GLMN: variants seen among roughly 807,000 people sequenced by gnomAD.
GLMN encodes glomulin.
Under a neutral mutation model 87.8 loss-of-function variants are expected in GLMN, and 75 were observed. The ratio of observed to expected loss-of-function variants is 0.85; its 90% CI spans 0.71 to 1.04. The LOEUF is 1.04. GLMN is among the 50% of genes least tolerant of loss of function. The pLI, the probability that GLMN is intolerant of heterozygous loss-of-function variation, is 0.00. For synonymous variants in GLMN, 206 were observed against 221.6 expected, an observed-to-expected ratio of 0.93 and a Z score of 0.63; for missense variants, 588 against 658.8, an observed-to-expected ratio of 0.89 and a Z score of 1.18.
chr1:92,353,052 T>C, the GLMN span, among the ~76,000 whole-genome samples: 1 of 152,242 alleles, frequency 6.6e-6, no homozygotes, highest in Non-Finnish European at 1.5e-5. Context: ...CCAAATAATA[T>C]TCCATTGTAT....
chr1:92,324,021 T>TA, the GLMN span: 1 of 1,613,938 alleles, frequency 6.2e-7, no homozygotes, highest in Non-Finnish European at 8.5e-7. Context: ...GAAACTTACT[T>TA]AAAGTTTTGA....
intron 6 of GLMN, 22 bp downstream of exon 6, chr1:92,288,892 A>G: frequency 8.9e-7 from 1 of 1,121,896 alleles, no homozygotes; most frequent in Non-Finnish European, 1.4e-6. Flanking sequence ...CCACTGTGAG[A>G]TGTTCTTAAA....
chr1:92,263,409 A>G (rs543298738), intron 15 of GLMN, among the ~76,000 whole-genome samples: 1 of 152,366 alleles, frequency 6.6e-6, no homozygotes, highest in South Asian at 2.1e-4. Flanking sequence ...ATCAAATCAT[A>G]GTGCTGGTCA....
the GLMN span, among the ~76,000 whole-genome samples, chr1:92,320,375 C>T: frequency 1.3e-5 from 2 of 152,074 alleles, no homozygotes; most frequent in African/African-American, 4.8e-5. Flanking sequence ...CTGGTTCAAG[C>T]GATTCTCCTG....
At chr1:92,262,138 T>C (rs1416556476) in intron 16 of GLMN, among the ~76,000 whole-genome samples, 1 of 152,118 alleles carries the variant, frequency 6.6e-6, no homozygotes, top group Non-Finnish European at 1.5e-5. Flanking sequence ...AATCACGATT[T>C]ACCTAATTTA....
chr1:92,367,543 T>C, the GLMN span, among the ~76,000 whole-genome samples: 1 of 152,204 alleles, frequency 6.6e-6, no homozygotes, highest in Non-Finnish European at 1.5e-5. Context: ...TTAAAAAAAT[T>C]TTCTTTTCAG....
At chr1:92,331,647 G>T in the GLMN span, among the ~76,000 whole-genome samples, 1 of 151,830 alleles carries the variant, frequency 6.6e-6, no homozygotes, top group African/African-American at 2.4e-5. Context: ...TTCTGTTATT[G>T]GATATTTTTA....
Position 92,297,944 on chromosome 1 carries a change from C to A in GLMN, c.39+17G>T. The A allele has an allele frequency of 8.2e-7, 1 of 1,218,832 alleles. No homozygotes were observed. Among genetic ancestry groups the A allele is most frequent in the Non-Finnish European group, 1.2e-6 (1 of 820,828 alleles). The allele number at this position is 1,218,832 out of a possible 1,614,324, so 75.5% of individuals were successfully genotyped here. A position where few individuals can be genotyped will look rare whatever the true frequency, so the allele number is the denominator to read the frequency against. On this transcript the variant is annotated intron_variant, in intron 2 of 18. Coordinates refer to ENST00000370360, the MANE Select transcript of GLMN (RefSeq NM_053274.3). ...ATATTTTGAAAGGTATTTAATTTTA[C>A]AAAAATTAATACTTACACATCTCTT...
chr1:92,283,052 A>G (rs1024892721), intron 7 of GLMN, among the ~76,000 whole-genome samples: 1 of 152,198 alleles, frequency 6.6e-6, no homozygotes, highest in Non-Finnish European at 1.5e-5. Context: ...AGAGGTACAA[A>G]GAGGAGATGG....
intron 6 of GLMN, 123 bp from the exon 7 acceptor site, chr1:92,286,715 C>A: frequency 1.5e-6 from 1 of 684,914 alleles, no homozygotes; most frequent in Non-Finnish European, 2.7e-6. Flanking sequence ...TTGAATGACT[C>A]TGCTCTCCAA....
intron 7 of GLMN, among the ~76,000 whole-genome samples, chr1:92,284,876 C>G (rs1428900801): frequency 1.3e-5 from 2 of 152,186 alleles, no homozygotes; most frequent in East Asian, 3.8e-4. Flanking sequence ...TGCTCATCAT[C>G]ACTGGTCATC....
At chr1:92,264,085 G>A (rs1655337482) in intron 14 of GLMN, among the ~76,000 whole-genome samples, 1 of 152,208 alleles carries the variant, frequency 6.6e-6, no homozygotes, top group Non-Finnish European at 1.5e-5. Context: ...GGAGGCCAAG[G>A]TGGGTGGATC....
chr1:92,271,056 G>A (rs909519824), intron 8 of GLMN, among the ~76,000 whole-genome samples: 3 of 152,166 alleles, frequency 2.0e-5, no homozygotes, highest in African/African-American at 7.2e-5. Context: ...CTTCTTTTAA[G>A]GCTTCGCTTT....
upstream of GLMN, chr1:92,303,944 C>G (rs748516957): frequency 7.0e-7 from 1 of 1,438,038 alleles, no homozygotes; most frequent in Non-Finnish European, 9.7e-7. Context: ...TTCTATTAAA[C>G]TAGGAGGAAA....
chr1:92,281,650 C>G (rs1219301538), intron 7 of GLMN, among the ~76,000 whole-genome samples: 1 of 152,048 alleles, frequency 6.6e-6, no homozygotes, highest in Admixed American at 6.6e-5. Flanking sequence ...GGGCTAAATG[C>G]TCCAATTAAA....
the GLMN span, among the ~76,000 whole-genome samples, chr1:92,323,042 CTT>C: frequency 1.1e-4 from 15 of 142,520 alleles, 1 homozygote; most frequent in Non-Finnish European, 1.8e-4. Flanking sequence ...ATTTATATAT[CTT>C]TATATTTATA....
At chr1:92,344,571 C>A in the GLMN span, among the ~76,000 whole-genome samples, 1 of 152,042 alleles carries the variant, frequency 6.6e-6, no homozygotes, top group Non-Finnish European at 1.5e-5. Context: ...ATTTTTTTAA[C>A]ACACATTTTT....
the GLMN span, among the ~76,000 whole-genome samples, chr1:92,316,501 T>C: frequency 6.6e-6 from 1 of 152,230 alleles, no homozygotes; most frequent in African/African-American, 2.4e-5. Flanking sequence ...TTCTTTGGCA[T>C]AAGTTATTTC....
the GLMN span, among the ~76,000 whole-genome samples, chr1:92,358,858 A>T: frequency 6.6e-6 from 1 of 152,216 alleles, no homozygotes; most frequent in African/African-American, 2.4e-5. Context: ...AAGTGCTGGG[A>T]TTACAGGTGT....
Sources: allele counts gnomAD v4.1 joint callset (sites outside exome capture counted in the v4.1 genomes callset), GRCh38; gene constraint gnomAD v4.1.1; transcripts MANE v1.5; gene names NCBI Gene and HGNC (gene_info 2026-07-23, HGNC 2026-07-21).